NYAP2: variants seen among roughly 807,000 people sequenced by gnomAD.
NYAP2 encodes neuronal tyrosine-phosphorylated phosphoinositide-3-kinase adapter 2.
NYAP2 carries 23 observed loss-of-function variants against 50.4 expected under a neutral mutation model. That is an observed-to-expected ratio of 0.46 (90% CI 0.33 to 0.65). The LOEUF is 0.65. NYAP2 is among the 30% of genes least tolerant of loss of function. NYAP2 has a pLI of 0.02. For synonymous variants in NYAP2, 394 were observed against 365.2 expected (o/e 1.08, Z -0.90); for missense variants, 885 against 861.0 (o/e 1.03, Z -0.35).
chr2:225,647,534 C>T (rs1199217906), intron 6 of NYAP2, among the ~76,000 whole-genome samples: 1 of 152,166 alleles, frequency 6.6e-6, no homozygotes, highest in East Asian at 1.9e-4. Flanking sequence ...TCCCCTCTAA[C>T]TGGAATCACT....
At chr2:225,629,099 A>G (rs953897184) in intron 6 of NYAP2, among the ~76,000 whole-genome samples, 7 of 152,208 alleles carry the variant, frequency 4.6e-5, no homozygotes, top group Non-Finnish European at 5.9e-5. Flanking sequence ...CTGTAGGCCC[A>G]GGAAAGAAAA....
intron 5 of NYAP2, among the ~76,000 whole-genome samples, chr2:225,618,938 A>G (rs1387383474): frequency 6.6e-6 from 1 of 152,196 alleles, no homozygotes; most frequent in African/African-American, 2.4e-5. Flanking sequence ...AAGTGTGGAA[A>G]AGTATTATAT....
At chr2:225,613,580 G>A (rs1223426429) in intron 5 of NYAP2, among the ~76,000 whole-genome samples, 1 of 152,152 alleles carries the variant, frequency 6.6e-6, no homozygotes, top group Non-Finnish European at 1.5e-5. Flanking sequence ...AATAACATTT[G>A]TAAGGAGTCT....
At chr2:225,590,878 A>G (rs1403313967) in intron 5 of NYAP2, among the ~76,000 whole-genome samples, 17 of 152,224 alleles carry the variant, frequency 1.1e-4, no homozygotes. Context: ...TGTGAATCGC[A>G]TCTATCCTTG....
Position 225,568,103 on chromosome 2 carries a change from A to G in NYAP2, c.524-13838A>G, listed in dbSNP as rs370424671. Among the ~76,000 whole-genome samples, 10 of 152,218 alleles carry G rather than the reference A, an allele frequency of 6.6e-5. No homozygotes were observed. The East Asian group carries it at 7.7e-4, about 12-fold the overall frequency. ...ACAGGAGGTTTTTTGCCAGAAAATG[A>G]TTGTTTTAATCTCAAATTTGTGGTC... On this transcript the variant is annotated intron_variant, in intron 4 of 6. Coordinates refer to ENST00000636099, the Ensembl canonical transcript of NYAP2.
At chr2:225,634,681 T>C (rs1448163359) in intron 6 of NYAP2, among the ~76,000 whole-genome samples, 1 of 152,220 alleles carries the variant, frequency 6.6e-6, no homozygotes, top group Non-Finnish European at 1.5e-5. Flanking sequence ...AATCTGGATT[T>C]AAATCCTCAT....
the NYAP2 span, among the ~76,000 whole-genome samples, chr2:225,662,077 T>TAATC: frequency 6.6e-6 from 1 of 152,228 alleles, no homozygotes; most frequent in African/African-American, 2.4e-5. Flanking sequence ...TCCATTTATT[T>TAATC]AATCACTCTT....
At position 225,582,336 on chromosome 2, in the gene NYAP2, G is replaced by T; in HGVS notation, c.919G>T (p.Ala307Ser). 1 of 1,613,894 alleles carries T rather than the reference G, an allele frequency of 6.2e-7. No individual in the cohort carries two copies. The highest frequency in any genetic ancestry group is 8.5e-7 in the Non-Finnish European group (1 of 1,179,822). Residue 307 changes from alanine (A) to serine (S), a missense_variant, in exon 5 of 7, where the codon GCC (alanine) becomes TCC (serine). Physicochemically the swap from Ala to Ser is moderately conservative, Grantham distance 99 (BLOSUM62 1). Transcript: ENST00000636099. The surrounding 1 kb of genome is among the most constrained non-coding windows in gnomAD (Gnocchi z 7.0). The stretch of plus-strand genomic sequence containing the variant: ...TCCCACGGTGCCTGACTTGGACTTC[G>T]CCAAGGCCTCAGTGCCATGCCCCCC...
At chr2:225,619,446 A>T (rs1693050632) in intron 5 of NYAP2, among the ~76,000 whole-genome samples, 2 of 152,236 alleles carry the variant, frequency 1.3e-5, no homozygotes, top group Admixed American at 6.5e-5. Context: ...TCAGGTGGTG[A>T]GGATTTATAA....
chr2:225,572,933 C>A (rs1692101355), intron 4 of NYAP2, among the ~76,000 whole-genome samples: 1 of 152,028 alleles, frequency 6.6e-6, no homozygotes, highest in African/African-American at 2.4e-5. Context: ...TATATTAATA[C>A]CTTGTCTCTG....
chr2:225,526,549 G>T (rs914064265), intron 4 of NYAP2, among the ~76,000 whole-genome samples: 1 of 152,172 alleles, frequency 6.6e-6, no homozygotes, highest in Non-Finnish European at 1.5e-5. Context: ...TCTTCTGAAA[G>T]AGTCTCCTTT....
intron 4 of NYAP2, among the ~76,000 whole-genome samples, chr2:225,548,289 T>C (rs7573567): frequency 0.93 from 136,762 of 147,746 alleles, 63,384 homozygotes; most frequent in Middle Eastern, 0.99. Context: ...TAGTTATTTT[T>C]CCTTAACTCT....
chr2:225,696,374 T>C, the NYAP2 span, among the ~76,000 whole-genome samples: 1 of 151,900 alleles, frequency 6.6e-6, no homozygotes, highest in Non-Finnish European at 1.5e-5. Context: ...TATTCATCAG[T>C]GTTAGAATAA....
intron 3 of NYAP2, among the ~76,000 whole-genome samples, chr2:225,430,348 G>A (rs1234861184): frequency 6.6e-6 from 1 of 152,044 alleles, no homozygotes; most frequent in African/African-American, 2.4e-5. Flanking sequence ...ACAAATTATT[G>A]GAATCTGCCC....
chr2:225,657,591 TAAAAAAA>T (rs78616843), downstream of NYAP2, among the ~76,000 whole-genome samples: 5 of 77,176 alleles, frequency 6.5e-5, 1 homozygote, highest in African/African-American at 2.2e-4. Flanking sequence ...AAAACTGCTC[TAAAAAAA>T]AAAAAAAAAA....
intron 3 of NYAP2, among the ~76,000 whole-genome samples, chr2:225,454,562 A>G (rs1412498134): frequency 1.3e-5 from 2 of 152,184 alleles, no homozygotes; most frequent in Non-Finnish European, 2.9e-5. Flanking sequence ...CATCAGGGGT[A>G]GGGATCAGGC....
rs374355356 is a variant in NYAP2 at position 225,447,889 on chromosome 2, G to C, written c.221+38788G>C. Among the ~76,000 whole-genome samples, 3 of 152,328 alleles carry C rather than the reference G, an allele frequency of 2.0e-5. No individual in the cohort carries two copies. The East Asian group carries it at 5.8e-4, about 29-fold the overall frequency. On this transcript the variant is annotated intron_variant, in intron 3 of 6. Coordinates refer to ENST00000636099, the Ensembl canonical transcript of NYAP2. The stretch of plus-strand genomic sequence containing the variant: ...ACTACAGGGAGAGCAATTCCAAGCA[G>C]CTGTTCAAACAAATATAATTTCTGT...
intron 3 of NYAP2, among the ~76,000 whole-genome samples, chr2:225,511,437 G>T (rs906916288): frequency 2.0e-5 from 3 of 150,894 alleles, no homozygotes; most frequent in Non-Finnish European, 2.9e-5. Context: ...GATACTTTCG[G>T]CTATGATGTC....
chr2:225,422,465 T>A (rs1695230573), intron 3 of NYAP2, among the ~76,000 whole-genome samples: 1 of 151,898 alleles, frequency 6.6e-6, no homozygotes, highest in African/African-American at 2.4e-5. Flanking sequence ...TTTCAGAGGG[T>A]TAGACTGGAA....
Sources: allele counts gnomAD v4.1 joint callset (sites outside exome capture counted in the v4.1 genomes callset), GRCh38; gene constraint gnomAD v4.1.1; non-coding constraint Gnocchi (gnomAD v3.1); transcripts MANE v1.5; gene names NCBI Gene and HGNC (gene_info 2026-07-23, HGNC 2026-07-21).